NOS1AP: variants seen among roughly 807,000 people sequenced by gnomAD.
NOS1AP encodes carboxyl-terminal PDZ ligand of neuronal nitric oxide synthase protein.
In NOS1AP, 21 loss-of-function variants were observed where a neutral mutation model predicts 56.2. The observed-to-expected ratio is 0.37, with a 90% CI of 0.26 to 0.54. The LOEUF (loss-of-function observed/expected upper bound fraction) is 0.54. Ranked by LOEUF, NOS1AP falls within the 20% of genes least tolerant of loss-of-function variation. The pLI is 0.84. For missense variants in NOS1AP, 522 were observed against 657.8 expected, an observed-to-expected ratio of 0.79 and a Z score of 2.26; for synonymous variants, 270 against 274.6, an observed-to-expected ratio of 0.98 and a Z score of 0.17.
Position 162,221,238 on chromosome 1 carries a change from C to T in NOS1AP, c.178-66106C>T, listed in dbSNP as rs755227222. 1.1e-3 allele frequency among the ~76,000 whole-genome samples: 168 copies of T among 152,306 alleles called. 2 individuals carry two copies. The highest frequency in any genetic ancestry group is 2.0e-3 in the Non-Finnish European group (137 of 68,034). On this transcript the variant is annotated intron_variant, in intron 2 of 9. Transcript: ENST00000361897. ...AAAGGCGTGAGCCACCGCGCCCAGC[C>T]CACACACTATTTTTAAACACATTTT...
chr1:162,210,883 G>A lies in NOS1AP; in HGVS notation c.177+56407G>A, dbSNP rs566212620. Among the ~76,000 whole-genome samples, 4 of 152,336 alleles carry A rather than the reference G, an allele frequency of 2.6e-5. No homozygotes were observed. The East Asian group carries it at 7.7e-4, about 29-fold the overall frequency. On this transcript the variant is annotated intron_variant, in intron 2 of 9. Transcript: ENST00000361897. ...CGAGTATGGCCCAGCGACTGAACTG[G>A]CTGTCACTGTCAGGCCCCTGAGCTC... is the stretch of plus-strand genomic sequence containing the variant.
At chr1:162,362,771 A>G (rs1657947243) in intron 8 of NOS1AP, among the ~76,000 whole-genome samples, 1 of 152,342 alleles carries the variant, frequency 6.6e-6, no homozygotes, top group Non-Finnish European at 1.5e-5. Context: ...TGGGCTTCCC[A>G]TAGCAGTTGT....
intron 5 of NOS1AP, among the ~76,000 whole-genome samples, chr1:162,341,870 TG>T (rs1012012164): frequency 6.6e-6 from 1 of 152,198 alleles, no homozygotes; most frequent in Non-Finnish European, 1.5e-5. Flanking sequence ...CTAAAGGAAA[TG>T]TAGAAAGCTG....
intron 2 of NOS1AP, among the ~76,000 whole-genome samples, chr1:162,209,202 G>A (rs1652261650): frequency 6.6e-6 from 1 of 152,198 alleles, no homozygotes; most frequent in Non-Finnish European, 1.5e-5. Context: ...ATTTGCTGGG[G>A]AATGACTTCC....
chr1:162,295,059 G>T (rs1218287046), intron 3 of NOS1AP, among the ~76,000 whole-genome samples: 1 of 152,190 alleles, frequency 6.6e-6, no homozygotes. Flanking sequence ...CAGCCCTGCT[G>T]GTGCCCAGTC....
chr1:162,245,728 A>T (rs1653641353), intron 2 of NOS1AP, among the ~76,000 whole-genome samples: 1 of 152,240 alleles, frequency 6.6e-6, no homozygotes, highest in Admixed American at 6.5e-5. Flanking sequence ...AGAGAAAAGG[A>T]TCAGAACGAG....
chr1:162,174,446 T>G (rs1650962770), intron 2 of NOS1AP, among the ~76,000 whole-genome samples: 3 of 151,174 alleles, frequency 2.0e-5, no homozygotes, highest in Non-Finnish European at 4.4e-5. Context: ...CATTAGGATA[T>G]ATACCTAATG....
chr1:162,183,495 A>G (rs938420008), intron 2 of NOS1AP, among the ~76,000 whole-genome samples: 1 of 152,200 alleles, frequency 6.6e-6, no homozygotes, highest in Non-Finnish European at 1.5e-5. Context: ...TCTAGCTATG[A>G]AAGTCCCAGA....
chr1:162,120,717 G>A (rs988799408), intron 1 of NOS1AP, among the ~76,000 whole-genome samples: 21 of 152,280 alleles, frequency 1.4e-4, no homozygotes, highest in African/African-American at 4.8e-4. Context: ...ATCTCCCACT[G>A]GGTCCCTCTC....
chr1:162,212,113 C>T (rs531276776), intron 2 of NOS1AP, among the ~76,000 whole-genome samples: 2 of 152,302 alleles, frequency 1.3e-5, no homozygotes, highest in Admixed American at 6.5e-5. Flanking sequence ...TTTCCTCCCT[C>T]GGGTTGCCCT....
chr1:162,294,643 A>C (rs1655392799), intron 3 of NOS1AP, among the ~76,000 whole-genome samples: 1 of 152,206 alleles, frequency 6.6e-6, no homozygotes. Flanking sequence ...TTCATAAACA[A>C]AGAGAAGAGG....
At position 162,261,513 on chromosome 1, in the gene NOS1AP, A is replaced by AG. The variant is rs1350065555; in HGVS notation, c.178-25830dup. Among the ~76,000 whole-genome samples the AG allele has an allele frequency of 1.6e-3, 35 of 21,640 alleles. 9 individuals are homozygous for AG. Among genetic ancestry groups the AG allele is most frequent in the Middle Eastern group, 0.019 (1 of 54 alleles). 14.2% of individuals were successfully genotyped at this position (21,640 alleles called of 152,430 possible). A position where few individuals can be genotyped will look rare whatever the true frequency, so the allele number is the denominator to read the frequency against. On this transcript the variant is annotated intron_variant, in intron 2 of 9. Coordinates refer to ENST00000361897, the MANE Select transcript of NOS1AP (RefSeq NM_014697.3). ...GAGAGAGAGAGAGAGAGAGAGAGAG[A>AG]GAGAGAGAGAGAGAGAGAGAGAGAG...
At chr1:162,242,792 C>T (rs1379095304) in intron 2 of NOS1AP, among the ~76,000 whole-genome samples, 1 of 152,160 alleles carries the variant, frequency 6.6e-6, no homozygotes, top group Non-Finnish European at 1.5e-5. Context: ...GGGCTCAAAT[C>T]ACTAGAGAAG....
chr1:162,071,326 T>C (rs1042463176), intron 1 of NOS1AP, among the ~76,000 whole-genome samples: 3 of 152,178 alleles, frequency 2.0e-5, no homozygotes, highest in African/African-American at 7.2e-5. Context: ...TTGTTCTCTT[T>C]CTCTTTCTTG....
intron 2 of NOS1AP, among the ~76,000 whole-genome samples, chr1:162,258,497 C>T (rs1249311346): frequency 2.0e-5 from 3 of 152,148 alleles, no homozygotes; most frequent in Non-Finnish European, 1.5e-5. Flanking sequence ...CAGCTCTCCT[C>T]TCCTCTCTTG....
chr1:162,228,156 T>C (rs1161404420), intron 2 of NOS1AP, among the ~76,000 whole-genome samples: 2 of 152,158 alleles, frequency 1.3e-5, no homozygotes, highest in Admixed American at 1.3e-4. Context: ...GATAAAGGGC[T>C]GGAAAGTTTG....
intron 2 of NOS1AP, among the ~76,000 whole-genome samples, chr1:162,264,972 G>T (rs1039148985): frequency 6.6e-6 from 1 of 151,596 alleles, no homozygotes; most frequent in Non-Finnish European, 1.5e-5. Flanking sequence ...CACCGCTACC[G>T]CCTGGCTACT....
intron 8 of NOS1AP, among the ~76,000 whole-genome samples, chr1:162,362,655 T>C (rs1657944204): frequency 6.6e-6 from 1 of 152,214 alleles, no homozygotes; most frequent in South Asian, 2.1e-4. Context: ...AATAATTTAG[T>C]AATTTTATTT....
At chr1:162,366,413 A>G (rs1036952827) in intron 9 of NOS1AP, among the ~76,000 whole-genome samples, 2 of 152,240 alleles carry the variant, frequency 1.3e-5, no homozygotes, top group African/African-American at 4.8e-5. Flanking sequence ...GCTCAAGGTT[A>G]TAGGCCTAGC....
Sources: gnomAD v4.1 joint callset for allele counts (sites outside exome capture counted in the v4.1 genomes callset) on GRCh38, gnomAD v4.1.1 for gene constraint, MANE v1.5 for transcripts, NCBI Gene and HGNC (gene_info 2026-07-23, HGNC 2026-07-21) for gene names.